The following IRF2 variants were observed in gnomAD, a reference collection of about 807,000 sequenced individuals.
IRF2 encodes the protein interferon regulatory factor 2.
Under a neutral mutation model 40.6 loss-of-function variants are expected in IRF2, and 15 were observed. The ratio of observed to expected loss-of-function variants is 0.37; its 90% CI spans 0.25 to 0.57. The LOEUF is 0.57. IRF2 is among the 20% of genes least tolerant of loss of function. The probability of loss-of-function intolerance (pLI) is 0.77; values close to 1 mark genes in which losing one functional copy is unlikely to be tolerated. For synonymous variants in IRF2, 151 were observed against 165.5 expected, an observed-to-expected ratio of 0.91 and a Z score of 0.67; for missense variants, 317 against 455.7, an observed-to-expected ratio of 0.70 and a Z score of 2.77.
At position 184,408,292 on chromosome 4, in the gene IRF2, A is replaced by G. The variant is rs1226339136; in HGVS notation, c.412-17T>C. The G allele has an allele frequency of 1.4e-6, 2 of 1,473,400 alleles. No homozygotes were observed. The highest frequency in any genetic ancestry group is 1.7e-5 in the Admixed American group (1 of 58,894). The allele number at this position is 1,473,400 out of a possible 1,614,324, so 91.3% of individuals were successfully genotyped here. On this transcript the variant is annotated splice_polypyrimidine_tract_variant and intron_variant, in intron 5 of 8. Coordinates refer to ENST00000393593, the MANE Select transcript of IRF2 (RefSeq NM_002199.4). The surrounding 1 kb of genome is among the most constrained non-coding windows in gnomAD (Gnocchi z 4.9). Reference sequence around the variant, plus strand: ...TGGTTCTTGCTAGGAAGAAGAAAAGAAAAAAGAATTGAGAACACTTCCTTT... The same window carrying G: ...TGGTTCTTGCTAGGAAGAAGAAAAGGAAAAAGAATTGAGAACACTTCCTTT...
At chr4:184,451,636 G>A (rs1297714710) in intron 1 of IRF2, among the ~76,000 whole-genome samples, 4 of 152,170 alleles carry the variant, frequency 2.6e-5, no homozygotes, top group Non-Finnish European at 4.4e-5. Context: ...CTGGGATATA[G>A]TATTTTTCTA....
intron 1 of IRF2, among the ~76,000 whole-genome samples, chr4:184,446,955 C>CA (rs1217763959): frequency 2.0e-4 from 30 of 150,518 alleles, no homozygotes; most frequent in East Asian, 1.6e-3. Flanking sequence ...GACTCCGTCT[C>CA]AAAAAAAACA....
chr4:184,401,982 T>G (rs2149894152), intron 6 of IRF2, among the ~76,000 whole-genome samples: 1 of 152,342 alleles, frequency 6.6e-6, no homozygotes, highest in Non-Finnish European at 1.5e-5. Context: ...CTCTCACTGC[T>G]TCTCCCCATG....
At position 184,471,071 on chromosome 4, in the gene IRF2, A is replaced by G. The variant is rs1739497961; in HGVS notation, c.-7+3308T>C. Among the ~76,000 whole-genome samples the G allele has an allele frequency of 4.6e-5, 7 of 152,210 alleles. No homozygotes were observed. The South Asian group carries it at 1.4e-3, about 32-fold the overall frequency. On this transcript the variant is annotated intron_variant, in intron 1 of 8. Transcript: ENST00000393593. ...AAAATCCCTCCTTGCTGGAAATTCT[A>G]TGAGAAAGATAGTGTCTAATCCAGT...
chr4:184,418,410 T>TCC, intron 4 of IRF2, 122 bp downstream of exon 4: 1 of 1,008,720 alleles, frequency 9.9e-7, no homozygotes, highest in Non-Finnish European at 1.5e-6. Context: ...GGCGGAATGA[T>TCC]CCCCTACAGC....
chr4:184,447,490 A>AC (rs1738554658), intron 1 of IRF2, among the ~76,000 whole-genome samples: 2 of 152,234 alleles, frequency 1.3e-5, no homozygotes, highest in African/African-American at 4.8e-5. Flanking sequence ...ATGGATGCTA[A>AC]CCAGTGAGTA....
chr4:184,429,889 A>G (rs1042302018), intron 1 of IRF2, among the ~76,000 whole-genome samples: 2 of 152,146 alleles, frequency 1.3e-5, no homozygotes, highest in African/African-American at 2.4e-5. Flanking sequence ...ATCGGAATAG[A>G]TCCAGAGGGG....
chr4:184,445,162 C>G (rs942548254), intron 1 of IRF2, among the ~76,000 whole-genome samples: 1 of 152,204 alleles, frequency 6.6e-6, no homozygotes, highest in African/African-American at 2.4e-5. Flanking sequence ...CACCAAGAGA[C>G]AGTTGTTTGA....
At position 184,419,478 on chromosome 4, in the gene IRF2, T is replaced by C. The variant is rs768767424; in HGVS notation, c.178A>G (p.Ile60Val). 15 of 1,607,006 alleles carry C rather than the reference T, an allele frequency of 9.3e-6. No individual in the cohort carries two copies. The highest frequency in any genetic ancestry group is 1.3e-5 in the Non-Finnish European group (15 of 1,174,408). Residue 60 changes from isoleucine to valine, a missense_variant, in exon 3 of 9, where the codon ATC becomes GTC. Ile to Val is a conservative substitution (Grantham distance 29). This residue lies in a region of IRF2 where 55 missense variants were observed against 121.7 expected (regional missense o/e 0.45). Coordinates refer to ENST00000393593, the MANE Select transcript of IRF2 (RefSeq NM_002199.4). ...CAGGGAGTTTTAGTACCTGTATGGATTGCCCAGTTTCTAAAGAGTGGTGCA... is the reference window on the plus strand; with the variant it reads ...CAGGGAGTTTTAGTACCTGTATGGACTGCCCAGTTTCTAAAGAGTGGTGCA... ...KDAPLFRNWA[I>V]HTGKHQPGVD...
chr4:184,455,267 C>CCCG, intron 1 of IRF2, among the ~76,000 whole-genome samples: 1 of 106,310 alleles, frequency 9.4e-6, no homozygotes, highest in African/African-American at 3.3e-5. Context: ...CCTTCCCTCC[C>CCCG]TCTCCCTCCC....
chr4:184,396,828 C>T (rs1373877916), intron 7 of IRF2, among the ~76,000 whole-genome samples: 1 of 152,134 alleles, frequency 6.6e-6, no homozygotes, highest in Non-Finnish European at 1.5e-5. Flanking sequence ...TCATACCAGG[C>T]ATGGCAGCTC....
At chr4:184,409,576 T>A (rs924112363) in intron 5 of IRF2, among the ~76,000 whole-genome samples, 3 of 152,118 alleles carry the variant, frequency 2.0e-5, no homozygotes, top group African/African-American at 4.8e-5. Flanking sequence ...CACTCTTCTC[T>A]CTTACAAGTT....
In IRF2 at chr4:184,474,289, C is replaced by T. The variant is rs1013257812; in HGVS notation, c.-7+90G>A. 1 of 152,406 alleles carries T rather than the reference C, an allele frequency of 6.6e-6. No homozygotes were observed. Among genetic ancestry groups the T allele is most frequent in the African/African-American group, 2.4e-5 (1 of 41,436 alleles). The allele number at this position is 152,406 out of a possible 1,614,324, so 9.4% of individuals were successfully genotyped here. A position where few individuals can be genotyped will look rare whatever the true frequency, so the allele number is the denominator to read the frequency against. ...AAAACATCGTGTCAAGGCATCAGGA[C>T]ACGCATACACACACGGCCCCCCACA... On this transcript the variant is annotated intron_variant, in intron 1 of 8. Coordinates refer to ENST00000393593, the MANE Select transcript of IRF2 (RefSeq NM_002199.4). The surrounding 1 kb of genome is among the most constrained non-coding windows in gnomAD (Gnocchi z 5.6).
At chr4:184,441,348 G>T (rs1208555797) in intron 1 of IRF2, among the ~76,000 whole-genome samples, 1 of 152,222 alleles carries the variant, frequency 6.6e-6, no homozygotes, top group African/African-American at 2.4e-5. Context: ...AATGAGGAAA[G>T]CTTTGTCATC....
At chr4:184,418,328 C>A in intron 4 of IRF2, 115 bp from the exon 5 acceptor site, 1 of 1,014,328 alleles carries the variant, frequency 9.9e-7, no homozygotes, top group South Asian at 1.3e-5. Flanking sequence ...TTAATCTGTA[C>A]ATGGTCAAAA....
At chr4:184,470,919 T>G (rs951691839) in intron 1 of IRF2, among the ~76,000 whole-genome samples, 1 of 152,218 alleles carries the variant, frequency 6.6e-6, no homozygotes, top group Non-Finnish European at 1.5e-5. Context: ...GGATACCACC[T>G]AACTTTCCTT....
chr4:184,389,262 G>A (rs976245520), intron 8 of IRF2, among the ~76,000 whole-genome samples, 196 bp from the exon 9 acceptor site: 4 of 151,966 alleles, frequency 2.6e-5, no homozygotes, highest in Admixed American at 1.3e-4. Flanking sequence ...TCTACAAAAC[G>A]TAAGAATTAG....
At chr4:184,453,213 G>A (rs1207691309) in intron 1 of IRF2, among the ~76,000 whole-genome samples, 2 of 152,052 alleles carry the variant, frequency 1.3e-5, no homozygotes, top group Non-Finnish European at 2.9e-5. Flanking sequence ...TTTTTAAAGA[G>A]CATTTTCTAG....
At chr4:184,425,977 T>A (rs1258656346) in intron 2 of IRF2, among the ~76,000 whole-genome samples, 2 of 33,348 alleles carry the variant, frequency 6.0e-5, no homozygotes, top group Non-Finnish European at 1.3e-4. Context: ...CTCACTCCGG[T>A]TTTTGTTTGT....
Sources: gnomAD v4.1 joint callset for allele counts (sites outside exome capture counted in the v4.1 genomes callset) on GRCh38, gnomAD v4.1.1 for gene constraint, gnomAD v4.1.1 regional missense constraint, Gnocchi (gnomAD v3.1) non-coding constraint, MANE v1.5 for transcripts, NCBI Gene and HGNC (gene_info 2026-07-23, HGNC 2026-07-21) for gene names.